Variants in KCTD3 observed in about 807,000 individuals in gnomAD.
The protein encoded by KCTD3 is potassium channel tetramerization domain containing 3.
Under a neutral mutation model 85.8 loss-of-function variants are expected in KCTD3, and 41 were observed. That is an observed-to-expected ratio of 0.48 (90% confidence interval 0.37 to 0.62). The LOEUF (loss-of-function observed/expected upper bound fraction) is 0.62, where lower values mean the gene tolerates loss of function less well. Among genes scored for constraint, KCTD3 ranks in the 20% least tolerant of loss-of-function variants. The pLI is 0.00. For missense variants in KCTD3, 724 were observed against 989.9 expected, an observed-to-expected ratio of 0.73 and a Z score of 3.60; for synonymous variants, 338 against 345.4, an observed-to-expected ratio of 0.98 and a Z score of 0.24.
chr1:215,603,921 G>T lies in KCTD3; in HGVS notation c.1139-211G>T, dbSNP rs1441334693. ...GCAGGAGGTGAATAGTTACGTCTTG[G>T]AGTGAGGGTTAGGAAAAGATTTATC... On this transcript the variant is annotated intron_variant, in intron 12 of 17. Coordinates refer to ENST00000259154, the MANE Select transcript of KCTD3 (RefSeq NM_016121.5). Among the ~76,000 whole-genome samples the T allele has an allele frequency of 2.0e-5, 3 of 152,276 alleles. No individual in the cohort carries two copies. In the East Asian group the frequency reaches 5.8e-4, roughly 29 times the overall value.
chr1:215,577,392 C>T (rs1016833682), intron 4 of KCTD3, among the ~76,000 whole-genome samples: 9 of 151,996 alleles, frequency 5.9e-5, no homozygotes, highest in Admixed American at 6.6e-5. Context: ...TTTGTACTAG[C>T]CTGATAGAGC....
chr1:215,599,825 A>T (rs1654761461), intron 10 of KCTD3, among the ~76,000 whole-genome samples: 1 of 151,792 alleles, frequency 6.6e-6, no homozygotes, highest in Admixed American at 6.6e-5. Context: ...ATCCTCCCAG[A>T]GAATAAATGG....
intron 2 of KCTD3, 22 bp downstream of exon 2, chr1:215,573,861 T>A (rs1571870229): frequency 1.4e-6 from 2 of 1,395,046 alleles, no homozygotes; most frequent in East Asian, 4.6e-5. Flanking sequence ...AATTCTTTAG[T>A]GTATATTTTA....
At chr1:215,577,794 A>G (rs910137555) in intron 5 of KCTD3, 66 bp downstream of exon 5, 2 of 1,319,128 alleles carry the variant, frequency 1.5e-6, no homozygotes, top group Non-Finnish European at 2.2e-6. Context: ...CCTAAATGAA[A>G]TGTGTTTATA....
At chr1:215,608,197 T>C (rs1655105272) in intron 14 of KCTD3, 25 bp downstream of exon 14, 2 of 1,573,872 alleles carry the variant, frequency 1.3e-6, no homozygotes, top group Non-Finnish European at 1.7e-6. Context: ...TTTAGGGCAT[T>C]TTTAGGTACT....
At chr1:215,613,609 C>T (rs1002109719) in intron 15 of KCTD3, among the ~76,000 whole-genome samples, 2 of 152,076 alleles carry the variant, frequency 1.3e-5, no homozygotes, top group East Asian at 1.9e-4. Flanking sequence ...CCTAGGTTTC[C>T]TTCTAGGGTT....
intron 13 of KCTD3, among the ~76,000 whole-genome samples, chr1:215,607,299 A>G (rs193055062): frequency 1.2e-3 from 187 of 152,078 alleles, no homozygotes; most frequent in Middle Eastern, 3.4e-3. Context: ...TTATTAAAGC[A>G]TGCCAAAAAA....
intron 15 of KCTD3, among the ~76,000 whole-genome samples, chr1:215,614,015 ATAGTTTTTTTTT>A: frequency 7.9e-6 from 1 of 127,072 alleles, no homozygotes; most frequent in African/African-American, 3.2e-5. Flanking sequence ...GAACTTTAGA[ATAGTTTTTTTTT>A]TTTTTTTTTT....
intron 15 of KCTD3, among the ~76,000 whole-genome samples, chr1:215,614,037 T>TTG (rs1655337749): frequency 1.4e-5 from 2 of 140,226 alleles, no homozygotes; most frequent in African/African-American, 2.7e-5. Flanking sequence ...TTTTTTTTTT[T>TTG]TTTTTTTTTT....
chr1:215,587,118 A>G (rs1451395134), intron 9 of KCTD3, among the ~76,000 whole-genome samples: 2 of 148,150 alleles, frequency 1.3e-5, no homozygotes, highest in African/African-American at 5.0e-5. Flanking sequence ...AATGTAGGTT[A>G]TTTTCTTTTT....
chr1:215,582,056 AGTT>A (rs760203281), intron 8 of KCTD3, among the ~76,000 whole-genome samples: 16 of 152,228 alleles, frequency 1.1e-4, no homozygotes, highest in Admixed American at 6.5e-5. Context: ...AACGAAGAGT[AGTT>A]GTGTGAATTG....
In KCTD3 at chr1:215,604,164, G is replaced by C. The variant is rs1436598544; in HGVS notation, c.1171G>C (p.Gly391Arg). The C allele has an allele frequency of 1.2e-6, 2 of 1,613,322 alleles. No homozygotes were observed. The highest frequency in any genetic ancestry group is 2.7e-5 in the African/African-American group (2 of 74,838). ...VSGNWIEIAY[G>R]TSSGAVRVIV... Reference sequence around the variant, plus strand: ...TGGTAACTGGATCGAGATCGCCTATGGTACGAGCTCTGGAGCAGTACGAGT... The same window carrying C: ...TGGTAACTGGATCGAGATCGCCTATCGTACGAGCTCTGGAGCAGTACGAGT... The change falls in exon 13 of 18, where the codon GGT (glycine) becomes CGT (arginine). Residue 391 changes from glycine to arginine, a missense_variant. This residue lies in a region of KCTD3 where 146 missense variants were observed against 320.3 expected (regional missense o/e 0.46). Transcript: ENST00000259154.
At chr1:215,601,281 T>A (rs1204822259) in intron 10 of KCTD3, among the ~76,000 whole-genome samples, 4 of 152,180 alleles carry the variant, frequency 2.6e-5, no homozygotes, top group African/African-American at 9.7e-5. Flanking sequence ...TCCTATACTT[T>A]AAAAAAATAA....
rs561564643 is a variant in KCTD3, at chr1:215,606,454, T to A, written c.1310-1563T>A. Among the ~76,000 whole-genome samples the A allele has an allele frequency of 1.5e-4, 23 of 152,252 alleles. No homozygotes were observed. The East Asian group carries it at 3.9e-3, about 26-fold the overall frequency. On this transcript the variant is annotated intron_variant, in intron 13 of 17. Transcript: ENST00000259154. ...TTTGTTGTGTTCTCAGCACTTAGCA[T>A]AATTCTGACACGTAAAAGATGCTGA...
At chr1:215,604,056 T>C (rs540018583) in intron 12 of KCTD3, 76 bp from the exon 13 acceptor site, 2 of 1,128,034 alleles carry the variant, frequency 1.8e-6, no homozygotes, top group East Asian at 2.4e-5. Context: ...TATTTTATCA[T>C]AGGGAAGCTT....
intron 9 of KCTD3, among the ~76,000 whole-genome samples, 195 bp from the exon 10 acceptor site, chr1:215,595,161 C>A (rs536384985): frequency 6.2e-4 from 95 of 152,300 alleles, no homozygotes; most frequent in African/African-American, 2.3e-3. Context: ...GGAGCAGACT[C>A]TTCCTTGCTT....
At chr1:215,616,206 A>G (rs1162219472) in intron 15 of KCTD3, among the ~76,000 whole-genome samples, 1 of 152,196 alleles carries the variant, frequency 6.6e-6, no homozygotes, top group African/African-American at 2.4e-5. Flanking sequence ...TATGCATACA[A>G]ATGTTGATTT....
At chr1:215,574,392 A>G (rs1372645446) in intron 3 of KCTD3, among the ~76,000 whole-genome samples, 3 of 152,282 alleles carry the variant, frequency 2.0e-5, no homozygotes, top group Admixed American at 6.5e-5. Flanking sequence ...TTAGATCAAT[A>G]ATTGAAACTT....
Position 215,620,191 on chromosome 1 carries a change from T to A in KCTD3, c.2021T>A (p.Ile674Asn), listed in dbSNP as rs1655613457. Reference protein sequence around the residue: ...SFHSYRDFQTINLNRNVERAV... With the variant: ...SFHSYRDFQTNNLNRNVERAV... ...CACAGTTATAGGGACTTCCAGACTATTAATTTGAACAGAAATGTAGAAAGA... is the reference window on the plus strand; with the variant it reads ...CACAGTTATAGGGACTTCCAGACTAATAATTTGAACAGAAATGTAGAAAGA... Residue 674 changes from isoleucine to asparagine, a missense_variant, in exon 18 of 18, where the codon ATT (isoleucine) becomes AAT (asparagine). Around this residue, in one of 6 missense-constraint regions of KCTD3, gnomAD observed 222 missense variants for 217.7 expected, o/e 1.02. Coordinates refer to ENST00000259154, the MANE Select transcript of KCTD3 (RefSeq NM_016121.5). 6.2e-7 allele frequency: 1 copy of A among 1,613,736 alleles called. No homozygotes were observed. The highest frequency in any genetic ancestry group is 1.3e-5 in the African/African-American group (1 of 74,900).
Sources: gnomAD v4.1 joint callset for allele counts (sites outside exome capture counted in the v4.1 genomes callset) on GRCh38, gnomAD v4.1.1 for gene constraint, gnomAD v4.1.1 regional missense constraint, MANE v1.5 for transcripts, NCBI Gene and HGNC (gene_info 2026-07-23, HGNC 2026-07-21) for gene names.